Variants in AGBL1 observed in about 807,000 individuals in gnomAD.
AGBL1 encodes the protein cytosolic carboxypeptidase 4.
A neutral mutation model predicts 118.9 loss-of-function variants in AGBL1; 130 were observed. That is an observed-to-expected ratio of 1.09 (90% CI 0.95 to 1.26). AGBL1 has a LOEUF of 1.26. AGBL1 is among the 50% of genes most tolerant of loss of function. The pLI, the probability that AGBL1 is intolerant of heterozygous loss-of-function variation, is 0.00. For missense variants in AGBL1, 1,584 were observed against 1,298.1 expected (o/e 1.22, Z -3.38); for synonymous variants, 555 against 478.9 (o/e 1.16, Z -2.08).
intron 22 of AGBL1, among the ~76,000 whole-genome samples, chr15:86,677,936 A>G (rs189775987): frequency 1.3e-3 from 205 of 152,300 alleles, no homozygotes; most frequent in Non-Finnish European, 2.4e-3. Context: ...CATCCAGATA[A>G]CTACTGTCAG....
chr15:86,175,165 G>A (rs1276412036), intron 5 of AGBL1, among the ~76,000 whole-genome samples: 1 of 151,768 alleles, frequency 6.6e-6, no homozygotes, highest in Non-Finnish European at 1.5e-5. Flanking sequence ...GTTGTTAGGG[G>A]ACTTTTTATT....
chr15:86,426,776 A>G (rs1197348442), intron 18 of AGBL1, among the ~76,000 whole-genome samples: 3 of 152,220 alleles, frequency 2.0e-5, no homozygotes, highest in Non-Finnish European at 4.4e-5. Flanking sequence ...CATTTTATTT[A>G]TTTATTAAGA....
intron 15 of AGBL1, among the ~76,000 whole-genome samples, chr15:86,277,667 A>G (rs1413722695): frequency 6.6e-6 from 1 of 152,190 alleles, no homozygotes; most frequent in Admixed American, 6.5e-5. Context: ...TGGGGAACCT[A>G]AAAAGAAGCA....
chr15:86,420,694 G>A (rs1421161651), intron 18 of AGBL1, among the ~76,000 whole-genome samples: 1 of 152,178 alleles, frequency 6.6e-6, no homozygotes, highest in African/African-American at 2.4e-5. Context: ...CTAACCCAAT[G>A]CAAGGAAGCT....
intron 19 of AGBL1, among the ~76,000 whole-genome samples, chr15:86,533,921 A>G (rs1410653122): frequency 2.4e-5 from 2 of 83,888 alleles, no homozygotes; most frequent in African/African-American, 5.1e-5. Context: ...ATGAGATCAC[A>G]TGGTCACAGG....
rs1255901698 is a variant in AGBL1, at chr15:86,271,379, T to C, written c.1988-240T>C. 2.0e-5 allele frequency among the ~76,000 whole-genome samples: 3 copies of C among 152,138 alleles called. No homozygotes were observed. The East Asian group carries it at 5.8e-4, about 29-fold the overall frequency. ...GCCTGGCCACGTTGCATCTCTTCTA[T>C]AGTCAAACCTCCCTCTACCTCCCTT... On this transcript the variant is annotated intron_variant, in intron 14 of 22. Transcript: ENST00000614907.
chr15:86,989,915 C>T (rs936729548), intron 24 of AGBL1, among the ~76,000 whole-genome samples: 4 of 152,152 alleles, frequency 2.6e-5, no homozygotes, highest in African/African-American at 9.6e-5. Flanking sequence ...GTCAGGATGG[C>T]GAAGGGGTGG....
chr15:86,528,259 C>T (rs978815347), intron 19 of AGBL1, among the ~76,000 whole-genome samples: 3 of 152,166 alleles, frequency 2.0e-5, no homozygotes, highest in Non-Finnish European at 4.4e-5. Context: ...ACGCACCGGG[C>T]GCGAACCGAA....
At chr15:86,772,714 T>C (rs2141291322) in intron 22 of AGBL1, among the ~76,000 whole-genome samples, 1 of 152,006 alleles carries the variant, frequency 6.6e-6, no homozygotes, top group Middle Eastern at 3.4e-3. Context: ...ATCAAGGAGG[T>C]CATTTTGTCA....
intron 21 of AGBL1, among the ~76,000 whole-genome samples, chr15:86,565,549 G>T (rs1273894881): frequency 6.6e-6 from 1 of 152,226 alleles, no homozygotes; most frequent in East Asian, 1.9e-4. Flanking sequence ...CTACTGGGGG[G>T]TGCCTCCCAG....
chr15:86,675,967 A>G (rs16977915), intron 22 of AGBL1, among the ~76,000 whole-genome samples: 9,330 of 152,258 alleles, frequency 0.061, 379 homozygotes, highest in Middle Eastern at 0.1. Flanking sequence ...AAAGAATTTG[A>G]TGTCAGGCTT....
intron 22 of AGBL1, among the ~76,000 whole-genome samples, chr15:86,884,161 T>C (rs2079935737): frequency 2.0e-5 from 3 of 152,180 alleles, no homozygotes; most frequent in Admixed American, 1.3e-4. Context: ...ATTATTGCAC[T>C]TTGGGGCCAT....
chr15:87,003,944 GTT>G (rs1421754151), intron 24 of AGBL1, among the ~76,000 whole-genome samples: 1 of 152,000 alleles, frequency 6.6e-6, no homozygotes, highest in Non-Finnish European at 1.5e-5. Context: ...TTTTTGAAGG[GTT>G]TTTTGTGTCT....
chr15:86,278,285 A>G (rs2079289768), intron 15 of AGBL1, among the ~76,000 whole-genome samples: 1 of 151,982 alleles, frequency 6.6e-6, no homozygotes, highest in African/African-American at 2.4e-5. Context: ...TGGGTGTGAC[A>G]GCCACTGGGG....
rs772045110 is a variant in AGBL1, at chr15:86,710,056, C to A, written c.3158+35620C>A. Among the ~76,000 whole-genome samples the A allele has an allele frequency of 4.6e-5, 7 of 152,106 alleles. No individual in the cohort carries two copies. In the South Asian group the frequency reaches 1.5e-3, roughly 32 times the overall value. ...AATGCTAGTCTGGCTTTGAATGGGG[C>A]GAGGAGCAGATAATTTGGAGGGGAT... On this transcript the variant is annotated intron_variant, in intron 22 of 22. Transcript: ENST00000614907.
intron 24 of AGBL1, among the ~76,000 whole-genome samples, chr15:86,994,675 T>C (rs904108805): frequency 5.3e-5 from 8 of 152,138 alleles, no homozygotes; most frequent in Non-Finnish European, 1.2e-4. Context: ...GGGAAAAAAA[T>C]GCTTAAAGAA....
intron 22 of AGBL1, among the ~76,000 whole-genome samples, chr15:86,828,941 TAC>T (rs2079068427): frequency 7.5e-6 from 1 of 133,944 alleles, no homozygotes. Flanking sequence ...TATATATATA[TAC>T]TGTGTATTTA....
At chr15:86,875,288 G>A (rs1596578660) in intron 22 of AGBL1, among the ~76,000 whole-genome samples, 2 of 152,310 alleles carry the variant, frequency 1.3e-5, no homozygotes, top group African/African-American at 2.4e-5. Context: ...TCTTACAAAT[G>A]TGTCTGCTAC....
At position 86,508,251 on chromosome 15, in the gene AGBL1, A is replaced by G. The variant is rs1218521519; in HGVS notation, c.2556-14559A>G. ...ATTTGCCTTTTAATTTCCTGGAACC[A>G]CTTGTGTATGTGATTCAGCTGAACA... On this transcript the variant is annotated intron_variant, in intron 18 of 22. Coordinates refer to ENST00000614907, the MANE Select transcript of AGBL1 (RefSeq NM_001386094.1). Among the ~76,000 whole-genome samples the G allele has an allele frequency of 3.3e-5, 5 of 152,112 alleles. No homozygotes were observed. In the East Asian group the frequency reaches 7.8e-4, roughly 24 times the overall value.
Sources: gnomAD v4.1 joint callset for allele counts (sites outside exome capture counted in the v4.1 genomes callset) on GRCh38, gnomAD v4.1.1 for gene constraint, MANE v1.5 for transcripts, NCBI Gene and HGNC (gene_info 2026-07-23, HGNC 2026-07-21) for gene names.